Variants in TMEM177 observed in about 807,000 individuals in gnomAD.
The protein encoded by TMEM177 is transmembrane protein 177.
In TMEM177, 4 loss-of-function variants were observed where a neutral mutation model predicts 14.2. That is an observed-to-expected ratio of 0.28 (90% CI 0.14 to 0.64). The LOEUF (loss-of-function observed/expected upper bound fraction) is 0.64, where lower values mean the gene tolerates loss of function less well. TMEM177 is among the 30% of genes least tolerant of loss of function. The pLI is 0.82. For synonymous variants in TMEM177, 179 were observed against 174.5 expected, an observed-to-expected ratio of 1.03 and a Z score of -0.20; for missense variants, 344 against 405.2, an observed-to-expected ratio of 0.85 and a Z score of 1.30.
the TMEM177 span, among the ~76,000 whole-genome samples, chr2:119,709,777 A>G: frequency 6.6e-6 from 1 of 152,174 alleles, no homozygotes; most frequent in Non-Finnish European, 1.5e-5. Flanking sequence ...GTGAACCGAG[A>G]TCGCGCCACT....
At chr2:119,684,251 G>A (rs1362829453), downstream of TMEM177, among the ~76,000 whole-genome samples, 40 of 152,142 alleles carry the variant, frequency 2.6e-4, no homozygotes, top group Non-Finnish European at 1.5e-4. Flanking sequence ...CTGGGCTGCG[G>A]TCTCACAGCC....
Position 119,679,230 on chromosome 2 carries a change from G to T in TMEM177, c.-69G>T, listed in dbSNP as rs1377282052. The T allele has an allele frequency of 6.6e-6, 1 of 152,274 alleles. No homozygotes were observed. Among genetic ancestry groups the T allele is most frequent in the Non-Finnish European group, 1.5e-5 (1 of 68,080 alleles). The allele number at this position is 152,274 out of a possible 1,614,324, so 9.4% of individuals were successfully genotyped here. On this transcript the variant is annotated 5_prime_UTR_variant, in exon 1 of 2. Transcript: ENST00000272521. ...GCGTTCCGAGCGGCGGCGGAGGTGA[G>T]CGCACGGACGAGCGGGAGGGACCCT...
the TMEM177 span, among the ~76,000 whole-genome samples, chr2:119,712,572 C>G: frequency 2.0e-5 from 3 of 152,166 alleles, no homozygotes; most frequent in African/African-American, 7.2e-5. Flanking sequence ...GGGGCATCCA[C>G]AAGCCAAGAA....
At chr2:119,694,779 A>G in the TMEM177 span, among the ~76,000 whole-genome samples, 4 of 152,356 alleles carry the variant, frequency 2.6e-5, no homozygotes, top group East Asian at 3.9e-4. Context: ...CCACTGCATC[A>G]TGTGCTTGTG....
the TMEM177 span, among the ~76,000 whole-genome samples, chr2:119,695,664 G>T: frequency 2.6e-5 from 4 of 152,222 alleles, no homozygotes; most frequent in African/African-American, 7.2e-5. Context: ...ACAGCGCAAG[G>T]CTCTGGGGAA....
chr2:119,700,938 C>T, the TMEM177 span, among the ~76,000 whole-genome samples: 6 of 152,210 alleles, frequency 3.9e-5, no homozygotes, highest in Non-Finnish European at 8.8e-5. Flanking sequence ...TGCTGGCAAC[C>T]GCGATCACAG....
chr2:119,704,467 G>A, the TMEM177 span, among the ~76,000 whole-genome samples: 4 of 152,026 alleles, frequency 2.6e-5, no homozygotes, highest in Admixed American at 2.0e-4. Context: ...GCGTGGTAGC[G>A]CATGGCTGTA....
chr2:119,700,835 C>G, the TMEM177 span, among the ~76,000 whole-genome samples: 5 of 152,330 alleles, frequency 3.3e-5, no homozygotes, highest in East Asian at 9.6e-4. Context: ...CTGCAGCTGT[C>G]CCGGCCTCTT....
At chr2:119,709,393 G>A in the TMEM177 span, among the ~76,000 whole-genome samples, 1 of 152,192 alleles carries the variant, frequency 6.6e-6, no homozygotes. Flanking sequence ...AGCCTTTGGT[G>A]AGCCAGACAT....
downstream of TMEM177, among the ~76,000 whole-genome samples, chr2:119,688,807 G>A (rs1304872911): frequency 6.6e-6 from 1 of 152,194 alleles, no homozygotes; most frequent in Non-Finnish European, 1.5e-5. Context: ...GTCGGTTACT[G>A]TGGTGCCCAT....
chr2:119,714,291 G>T, the TMEM177 span, among the ~76,000 whole-genome samples: 2 of 152,212 alleles, frequency 1.3e-5, no homozygotes, highest in Non-Finnish European at 2.9e-5. Flanking sequence ...TAGGATGGCA[G>T]CCAGTTCCAG....
chr2:119,692,259 C>G, the TMEM177 span, among the ~76,000 whole-genome samples: 1 of 152,190 alleles, frequency 6.6e-6, no homozygotes, highest in African/African-American at 2.4e-5. Context: ...TGTTTTGCCT[C>G]CTAAGATCTT....
At chr2:119,689,693 A>G (rs966515989), downstream of TMEM177, among the ~76,000 whole-genome samples, 1 of 152,032 alleles carries the variant, frequency 6.6e-6, no homozygotes, top group Non-Finnish European at 1.5e-5. Context: ...TAACCACTCC[A>G]CCTTCACTTA....
At chr2:119,680,414 A>G (rs1192104336) in intron 1 of TMEM177, among the ~76,000 whole-genome samples, 3 of 152,232 alleles carry the variant, frequency 2.0e-5, no homozygotes, top group African/African-American at 7.2e-5. Flanking sequence ...GTAAGCACTC[A>G]ATAAATTGAA....
At chr2:119,693,406 C>T in the TMEM177 span, among the ~76,000 whole-genome samples, 2 of 152,188 alleles carry the variant, frequency 1.3e-5, no homozygotes, top group East Asian at 1.9e-4. Flanking sequence ...TGCTAAAGAT[C>T]GGTCTCTCCT....
chr2:119,717,603 G>GTTTT, the TMEM177 span, among the ~76,000 whole-genome samples: 7 of 84,934 alleles, frequency 8.2e-5, no homozygotes, highest in Admixed American at 4.6e-4. Context: ...ATTGACTTGA[G>GTTTT]TCTTTTTTTT....
the TMEM177 span, among the ~76,000 whole-genome samples, chr2:119,711,685 G>A: frequency 9.9e-5 from 15 of 152,216 alleles, no homozygotes; most frequent in Non-Finnish European, 1.9e-4. Flanking sequence ...GACCCAAGCC[G>A]CACTGAACAC....
the TMEM177 span, among the ~76,000 whole-genome samples, chr2:119,714,051 A>T: frequency 2.0e-5 from 3 of 152,178 alleles, no homozygotes; most frequent in South Asian, 2.1e-4. Context: ...GGCTGAACAG[A>T]TGAGTGGTGG....
At chr2:119,702,123 G>T in the TMEM177 span, among the ~76,000 whole-genome samples, 1 of 152,228 alleles carries the variant, frequency 6.6e-6, no homozygotes, top group Non-Finnish European at 1.5e-5. Flanking sequence ...AAGCCAGGCT[G>T]GTCCCCAGGC....
Sources: allele counts gnomAD v4.1 joint callset (sites outside exome capture counted in the v4.1 genomes callset), GRCh38; gene constraint gnomAD v4.1.1; transcripts MANE v1.5; gene names NCBI Gene and HGNC (gene_info 2026-07-23, HGNC 2026-07-21).